Variants in CHD2 observed in about 807,000 individuals in gnomAD.
CHD2 encodes ATP-dependent chromatin remodeler CHD2.
A neutral mutation model predicts 243.9 loss-of-function variants in CHD2; 28 were observed. That is an observed-to-expected ratio of 0.11 (90% confidence interval 0.09 to 0.16). The LOEUF is 0.16. Among genes scored for constraint, CHD2 ranks in the 10% least tolerant of loss-of-function variants. CHD2 has a pLI of 1.00. For missense variants in CHD2, 1,386 were observed against 2,209.8 expected (o/e 0.63, Z 7.47); for synonymous variants, 775 against 779.0 (o/e 0.99, Z 0.09).
In CHD2 at chr15:92,984,315, G is replaced by T; in HGVS notation, c.3067-15G>T. 6.5e-7 allele frequency: 1 copy of T among 1,527,450 alleles called. No homozygotes were observed. Among genetic ancestry groups the T allele is most frequent in the Non-Finnish European group, 8.8e-7 (1 of 1,136,156 alleles). 94.6% of individuals were successfully genotyped at this position (1,527,450 alleles called of 1,614,324 possible). ...GAAATAGGGAAATGTCAGACAATGG[G>T]TTGTCTGTTTTAAGGTTGCCAACTT... On this transcript the variant is annotated splice_polypyrimidine_tract_variant and intron_variant, in intron 24 of 38. Coordinates refer to ENST00000394196, the MANE Select transcript of CHD2 (RefSeq NM_001271.4).
Position 93,009,412 on chromosome 15 carries a change from C to T in CHD2, c.4592+89C>T, listed in dbSNP as rs2054362351. 9 of 1,299,858 alleles carry T rather than the reference C, an allele frequency of 6.9e-6. No homozygotes were observed. In the South Asian group the frequency reaches 1.2e-4, roughly 17 times the overall value. 80.5% of individuals were successfully genotyped at this position (1,299,858 alleles called of 1,614,324 possible). A position where few individuals can be genotyped will look rare whatever the true frequency, so the allele number is the denominator to read the frequency against. On this transcript the variant is annotated intron_variant, in intron 35 of 38. Transcript: ENST00000394196. ...CTTTTAATAAAAGGTGGCATAGCCA[C>T]CTAAGAAATCTTTCTCCCAGCACAA... is the stretch of plus-strand genomic sequence containing the variant.
At chr15:92,902,649 A>G (rs1429534806) in intron 2 of CHD2, 1 of 152,556 alleles carries the variant, frequency 6.6e-6, no homozygotes, top group African/African-American at 2.4e-5. Flanking sequence ...TGAATTGCCC[A>G]TGTAAATTAC....
intron 7 of CHD2, among the ~76,000 whole-genome samples, chr15:92,940,817 ATAT>A (rs1449502750): frequency 1.4e-5 from 2 of 143,366 alleles, no homozygotes; most frequent in South Asian, 4.2e-4. Flanking sequence ...ATATAAATAT[ATAT>A]AAATATTATA....
At chr15:92,906,729 T>G (rs1375981629) in intron 2 of CHD2, among the ~76,000 whole-genome samples, 1 of 151,654 alleles carries the variant, frequency 6.6e-6, no homozygotes, top group Non-Finnish European at 1.5e-5. Flanking sequence ...CTTAGAACTT[T>G]GCTTCCTTGA....
chr15:93,021,188 A>G (rs957988328), intron 38 of CHD2: 1 of 152,084 alleles, frequency 6.6e-6, no homozygotes, highest in Non-Finnish European at 1.5e-5. Flanking sequence ...GAGTGTATAC[A>G]TTTTTGGCTT....
rs1295933003 is a variant in CHD2, at chr15:92,940,797, A to AT, written c.693-1024dup. ...TAAAAAATATAAAAAATATATAAAT[A>AT]TATAAATAAATATAAATATATATAA... On this transcript the variant is annotated intron_variant, in intron 7 of 38. Coordinates refer to ENST00000394196, the MANE Select transcript of CHD2 (RefSeq NM_001271.4). Among the ~76,000 whole-genome samples the AT allele has an allele frequency of 3.9e-4, 56 of 142,276 alleles. No homozygotes were observed. The East Asian group carries it at 9.9e-3, about 25-fold the overall frequency. The allele number at this position is 142,276 out of a possible 152,430, so 93.3% of individuals were successfully genotyped here.
chr15:92,973,322 G>A (rs1005877964), intron 19 of CHD2, among the ~76,000 whole-genome samples: 7 of 152,144 alleles, frequency 4.6e-5, no homozygotes, highest in Admixed American at 3.3e-4. Context: ...ATATAATCTA[G>A]TAGAAACTTA....
chr15:92,932,418 A>G lies in CHD2; in HGVS notation c.443+3327A>G, dbSNP rs533614082. On this transcript the variant is annotated intron_variant, in intron 5 of 38. Coordinates refer to ENST00000394196, the MANE Select transcript of CHD2 (RefSeq NM_001271.4). ...TTAACTCGTCATTTACATTAGGTATATCTCCTAATGCTGACCCTTCCCCCT... is the reference window on the plus strand; with the variant it reads ...TTAACTCGTCATTTACATTAGGTATGTCTCCTAATGCTGACCCTTCCCCCT... 3.7e-3 allele frequency among the ~76,000 whole-genome samples: 545 copies of G among 145,442 alleles called. 9 individuals carry two copies. Among genetic ancestry groups the G allele is most frequent in the African/African-American group, 0.013 (513 of 39,376 alleles).
intron 38 of CHD2, 113 bp downstream of exon 38, chr15:93,020,371 C>T (rs761409320): frequency 1.5e-6 from 2 of 1,336,676 alleles, no homozygotes; most frequent in Non-Finnish European, 2.1e-6. Context: ...AAGATCTCAT[C>T]ATGCATGTGT....
intron 36 of CHD2, among the ~76,000 whole-genome samples, chr15:93,013,449 C>G (rs1248679906): frequency 6.6e-6 from 1 of 152,094 alleles, no homozygotes; most frequent in African/African-American, 2.4e-5. Context: ...ACAGTATAAG[C>G]TGAATAACAA....
At chr15:92,936,315 G>A (rs986945478) in intron 5 of CHD2, among the ~76,000 whole-genome samples, 2 of 152,186 alleles carry the variant, frequency 1.3e-5, no homozygotes, top group Non-Finnish European at 2.9e-5. Flanking sequence ...TCTTTAGTAT[G>A]ACCTCATTCC....
chr15:92,936,776 A>AAC (rs1385062503), intron 5 of CHD2, among the ~76,000 whole-genome samples: 1 of 152,118 alleles, frequency 6.6e-6, no homozygotes, highest in Non-Finnish European at 1.5e-5. Context: ...GTTGAAATTC[A>AAC]TATTTTTTAG....
chr15:92,901,318 C>A lies in CHD2; in HGVS notation c.62+19C>A, dbSNP rs748026656. 2.5e-5 allele frequency: 39 copies of A among 1,560,734 alleles called. No individual in the cohort carries two copies. Among genetic ancestry groups the A allele is most frequent in the Admixed American group, 3.4e-5 (2 of 58,472 alleles). On this transcript the variant is annotated intron_variant, in intron 2 of 38. Transcript: ENST00000394196. ...CATCGAGGTATGAGCTATCAACTTT[C>A]TTCCTTTTTGTCTTTTTTTTTGGGG...
chr15:92,947,387 A>G (rs2053487064), intron 12 of CHD2: 1 of 152,348 alleles, frequency 6.6e-6, no homozygotes, highest in East Asian at 1.9e-4. Flanking sequence ...ATCAAGAGAA[A>G]GATTCTTATA....
In CHD2 at chr15:92,995,149, A is replaced by T. The variant is rs532981789; in HGVS notation, c.3596-1808A>T. ...TTTCTTTTTGATCTTAGAATATATC[A>T]CACTAACAATATAAAGTCAAAATAT... On this transcript the variant is annotated intron_variant, in intron 28 of 38. Transcript: ENST00000394196. Among the ~76,000 whole-genome samples the T allele has an allele frequency of 1.7e-4, 26 of 152,362 alleles. No homozygotes were observed. The South Asian group carries it at 2.1e-3, about 12-fold the overall frequency.
intron 34 of CHD2, among the ~76,000 whole-genome samples, chr15:93,006,710 C>T (rs758107619): frequency 1.1e-4 from 17 of 152,310 alleles, no homozygotes; most frequent in African/African-American, 4.1e-4. Flanking sequence ...CCAGGCAGTT[C>T]GGCATGAGAG....
intron 9 of CHD2, 95 bp downstream of exon 9, chr15:92,943,163 C>G (rs2053409071): frequency 1.0e-6 from 1 of 995,642 alleles, no homozygotes; most frequent in Non-Finnish European, 1.5e-6. Flanking sequence ...TATCTAGAAT[C>G]TCAGATTTTG....
intron 17 of CHD2, among the ~76,000 whole-genome samples, chr15:92,969,067 T>C (rs1275361965): frequency 6.6e-6 from 1 of 152,246 alleles, no homozygotes; most frequent in Non-Finnish European, 1.5e-5. Flanking sequence ...TGAAAATAGT[T>C]TAATACTGTA....
At position 92,971,943 on chromosome 15, in the gene CHD2, T is replaced by A. The variant is rs1285301489; in HGVS notation, c.2352+16T>A. On this transcript the variant is annotated intron_variant, in intron 18 of 38. Transcript: ENST00000394196. ...GATTCTTCTGGTAGGTAGTTCCTCA[T>A]AATTACTTTCTCAAAAAAAACGCTT... The A allele has an allele frequency of 6.3e-7, 1 of 1,591,044 alleles. No individual in the cohort carries two copies. The highest frequency in any genetic ancestry group is 1.2e-5 in the South Asian group (1 of 86,616).
Sources: gnomAD v4.1 joint callset for allele counts (sites outside exome capture counted in the v4.1 genomes callset) on GRCh38, gnomAD v4.1.1 for gene constraint, MANE v1.5 for transcripts, NCBI Gene and HGNC (gene_info 2026-07-23, HGNC 2026-07-21) for gene names.